The following REDIC1 variants were observed in gnomAD, a reference collection of about 807,000 sequenced individuals.
REDIC1 encodes the protein HEI10 Interacting Protein 1.
chr12:39,800,355 G>A, the REDIC1 span, among the ~76,000 whole-genome samples: 1 of 151,894 alleles, frequency 6.6e-6, no homozygotes, highest in Non-Finnish European at 1.5e-5. Context: ...ATCTGACAAA[G>A]GGCTAATATC....
At chr12:39,637,293 C>A in the REDIC1 span, among the ~76,000 whole-genome samples, 3 of 151,960 alleles carry the variant, frequency 2.0e-5, no homozygotes, top group African/African-American at 7.2e-5. Context: ...ATTATAATGA[C>A]AACTAATATT....
chr12:39,747,739 C>T, the REDIC1 span, among the ~76,000 whole-genome samples: 3 of 152,206 alleles, frequency 2.0e-5, no homozygotes, highest in Non-Finnish European at 2.9e-5. Context: ...TCAGCAGAAA[C>T]TCTACAAGCC....
the REDIC1 span, among the ~76,000 whole-genome samples, chr12:39,876,566 T>C: frequency 6.6e-6 from 1 of 152,070 alleles, no homozygotes; most frequent in East Asian, 1.9e-4. Flanking sequence ...CTTACTAAAT[T>C]AAAAATTAAA....
chr12:39,836,053 T>G, the REDIC1 span, among the ~76,000 whole-genome samples: 1 of 152,092 alleles, frequency 6.6e-6, no homozygotes, highest in African/African-American at 2.4e-5. Context: ...CCAGTTTCGT[T>G]GAGGCCCACA....
the REDIC1 span, among the ~76,000 whole-genome samples, chr12:39,737,248 T>C: frequency 6.6e-6 from 1 of 152,336 alleles, no homozygotes; most frequent in East Asian, 1.9e-4. Flanking sequence ...TATGTTTGGA[T>C]TGGTTTACAT....
the REDIC1 span, among the ~76,000 whole-genome samples, chr12:39,626,881 A>G: frequency 6.6e-6 from 1 of 152,224 alleles, no homozygotes; most frequent in South Asian, 2.1e-4. Context: ...TTACTTGAAT[A>G]ACTTGAGCGA....
chr12:39,759,906 G>T, the REDIC1 span: 1 of 683,534 alleles, frequency 1.5e-6, no homozygotes, highest in Non-Finnish European at 2.5e-6. Flanking sequence ...TCTAGAATAT[G>T]AAGTCAATCA....
At chr12:39,705,375 CA>C in the REDIC1 span, among the ~76,000 whole-genome samples, 1 of 151,968 alleles carries the variant, frequency 6.6e-6, no homozygotes, top group African/African-American at 2.4e-5. Flanking sequence ...CTGAATTCTA[CA>C]AAACATGTAA....
At chr12:39,871,465 T>C in the REDIC1 span, among the ~76,000 whole-genome samples, 3 of 146,270 alleles carry the variant, frequency 2.1e-5, no homozygotes, top group African/African-American at 7.7e-5. Context: ...CCAAAGTTTT[T>C]AGTTTTTCAA....
the REDIC1 span, among the ~76,000 whole-genome samples, chr12:39,806,341 A>G: frequency 6.6e-6 from 1 of 152,228 alleles, no homozygotes; most frequent in African/African-American, 2.4e-5. Flanking sequence ...TAACAGGAAT[A>G]TCTAACTGAC....
At chr12:39,896,677 A>T in the REDIC1 span, among the ~76,000 whole-genome samples, 6 of 151,830 alleles carry the variant, frequency 4.0e-5, no homozygotes, top group African/African-American at 1.5e-4. Flanking sequence ...TTTAAATATT[A>T]ATATCCCTCG....
chr12:39,828,375 A>G, the REDIC1 span, among the ~76,000 whole-genome samples: 3 of 151,628 alleles, frequency 2.0e-5, no homozygotes, highest in Non-Finnish European at 2.9e-5. Flanking sequence ...ACTTTTCTCT[A>G]ATTTATGTGC....
chr12:39,681,059 G>A, the REDIC1 span, among the ~76,000 whole-genome samples: 3 of 152,126 alleles, frequency 2.0e-5, no homozygotes, highest in Admixed American at 6.5e-5. Context: ...ATCACCTGAA[G>A]TCAGGAGTTT....
At chr12:39,772,952 C>T in the REDIC1 span, among the ~76,000 whole-genome samples, 14 of 152,188 alleles carry the variant, frequency 9.2e-5, no homozygotes, top group Non-Finnish European at 1.8e-4. Flanking sequence ...ACGTAGATAG[C>T]TAATGACTGA....
chr12:39,760,953 A>AACACACACACACACACACAC, the REDIC1 span, among the ~76,000 whole-genome samples: 1,005 of 101,578 alleles, frequency 9.9e-3, 42 homozygotes, highest in African/African-American at 0.022. Context: ...GTCTCTACCA[A>AACACACACACACACACACAC]ACACACACAC....
At chr12:39,801,871 C>T in the REDIC1 span, among the ~76,000 whole-genome samples, 1 of 152,174 alleles carries the variant, frequency 6.6e-6, no homozygotes, top group Non-Finnish European at 1.5e-5. Flanking sequence ...GGAAAGCAGA[C>T]ATTACTCACT....
At chr12:39,730,203 G>A in the REDIC1 span, among the ~76,000 whole-genome samples, 2 of 152,154 alleles carry the variant, frequency 1.3e-5, no homozygotes, top group Admixed American at 6.5e-5. Context: ...CTGTCATTAT[G>A]ATGTCAGCTG....
the REDIC1 span, among the ~76,000 whole-genome samples, chr12:39,809,153 AC>A: frequency 6.6e-6 from 1 of 152,090 alleles, no homozygotes; most frequent in African/African-American, 2.4e-5. Flanking sequence ...CTGTATTAGG[AC>A]CATTTGTTGA....
chr12:39,904,289 T>G, the REDIC1 span, among the ~76,000 whole-genome samples: 1 of 152,112 alleles, frequency 6.6e-6, no homozygotes, highest in African/African-American at 2.4e-5. Flanking sequence ...TGTAGCCAAA[T>G]GGAAGGCAGA....
Sources: allele counts gnomAD v4.1 joint callset (sites outside exome capture counted in the v4.1 genomes callset), GRCh38; gene constraint gnomAD v4.1.1; transcripts MANE v1.5; gene names NCBI Gene and HGNC (gene_info 2026-07-23, HGNC 2026-07-21).